ALK: variants seen among roughly 807,000 people sequenced by gnomAD.
ALK encodes the protein ALK receptor tyrosine kinase, also known as ALK tyrosine kinase receptor.
In ALK, 74 loss-of-function variants were observed where a neutral mutation model predicts 163.1. The ratio of observed to expected loss-of-function variants is 0.45; its 90% CI spans 0.38 to 0.55. The LOEUF (loss-of-function observed/expected upper bound fraction) is 0.55, where lower values mean the gene tolerates loss of function less well. Ranked by LOEUF, ALK falls within the 20% of genes least tolerant of loss-of-function variation. ALK has a pLI of 0.00. For missense variants in ALK, 2,063 were observed against 2,105.3 expected, an observed-to-expected ratio of 0.98 and a Z score of 0.39; for synonymous variants, 960 against 843.2, an observed-to-expected ratio of 1.14 and a Z score of -2.40.
chr2:29,658,328 C>T (rs147061818), intron 3 of ALK, among the ~76,000 whole-genome samples: 1 of 152,244 alleles, frequency 6.6e-6, no homozygotes, highest in East Asian at 1.9e-4. Context: ...GTGCCTTAAC[C>T]TCTCTGGGCT....
intron 9 of ALK, among the ~76,000 whole-genome samples, chr2:29,277,577 G>C (rs1410239470): frequency 6.6e-6 from 1 of 152,258 alleles, no homozygotes; most frequent in East Asian, 1.9e-4. Context: ...AAGAAGAAAT[G>C]CCCAAATCTG....
intron 8 of ALK, among the ~76,000 whole-genome samples, chr2:29,303,530 G>A (rs923591290): frequency 1.3e-5 from 2 of 152,202 alleles, no homozygotes; most frequent in African/African-American, 2.4e-5. Flanking sequence ...TCTCACCACT[G>A]GGTGTCCACC....
intron 1 of ALK, among the ~76,000 whole-genome samples, chr2:29,902,645 G>C (rs141931719): frequency 6.6e-6 from 1 of 152,318 alleles, no homozygotes; most frequent in African/African-American, 2.4e-5. Context: ...GGGCCCAGTA[G>C]AGCATGAGGC....
At chr2:29,867,558 C>T (rs4414641) in intron 1 of ALK, among the ~76,000 whole-genome samples, 120,744 of 152,056 alleles carry the variant, frequency 0.79, 48,165 homozygotes, top group Non-Finnish European at 0.83. Flanking sequence ...GATCTTACAA[C>T]TGCCTCATAA....
chr2:29,595,285 G>A (rs1179159917), intron 3 of ALK, among the ~76,000 whole-genome samples: 1 of 150,700 alleles, frequency 6.6e-6, no homozygotes, highest in African/African-American at 2.4e-5. Context: ...GACACAGACA[G>A]TGGTTTCTTC....
chr2:29,507,955 A>C (rs922419476), intron 4 of ALK, among the ~76,000 whole-genome samples: 1 of 152,204 alleles, frequency 6.6e-6, no homozygotes, highest in Non-Finnish European at 1.5e-5. Context: ...GTGAATTCAC[A>C]CCAATCACTG....
rs373231821 is a variant in ALK at position 29,515,274 on chromosome 2, T to A, written c.1154+16641A>T. 5.9e-5 allele frequency among the ~76,000 whole-genome samples: 9 copies of A among 152,176 alleles called. No individual in the cohort carries two copies. In the East Asian group the frequency reaches 9.6e-4, roughly 16 times the overall value. ...AAGAGCTCCTGCAAGCCTGTACCCC[T>A]CTGTCATGTATCACTGTGGCAATGA... On this transcript the variant is annotated intron_variant, in intron 4 of 28. Transcript: ENST00000389048.
At chr2:29,511,619 G>A (rs1300540610) in intron 4 of ALK, among the ~76,000 whole-genome samples, 3 of 152,114 alleles carry the variant, frequency 2.0e-5, no homozygotes, top group Non-Finnish European at 4.4e-5. Context: ...AGTTTTGTGG[G>A]GACATACGTT....
At chr2:29,671,736 T>C (rs2879499) in intron 3 of ALK, among the ~76,000 whole-genome samples, 23,881 of 152,028 alleles carry the variant, frequency 0.16, 4,489 homozygotes, top group African/African-American at 0.46. Flanking sequence ...ACCTGTCTGA[T>C]CCTCATGTTT....
intron 8 of ALK, among the ~76,000 whole-genome samples, chr2:29,306,558 T>C (rs867914615): frequency 1.3e-5 from 2 of 152,228 alleles, no homozygotes; most frequent in Admixed American, 1.3e-4. Flanking sequence ...TTTAACAAGA[T>C]CTTATCCTAG....
intron 3 of ALK, among the ~76,000 whole-genome samples, chr2:29,647,342 T>G (rs1465075028): frequency 6.6e-6 from 1 of 152,116 alleles, no homozygotes; most frequent in African/African-American, 2.4e-5. Context: ...CTCTAATATG[T>G]CTCTTCTTCT....
At chr2:29,516,581 C>T (rs1162765801) in intron 4 of ALK, among the ~76,000 whole-genome samples, 1 of 152,184 alleles carries the variant, frequency 6.6e-6, no homozygotes, top group African/African-American at 2.4e-5. Context: ...TAGTGGGGAG[C>T]CACCTCTCTA....
intron 24 of ALK, among the ~76,000 whole-genome samples, chr2:29,213,037 T>TA (rs1669505837): frequency 6.6e-6 from 1 of 152,242 alleles, no homozygotes; most frequent in Non-Finnish European, 1.5e-5. Context: ...TTCTCTTTTG[T>TA]ACTTACATAT....
intron 3 of ALK, among the ~76,000 whole-genome samples, chr2:29,624,695 C>T (rs1322311250): frequency 1.3e-5 from 2 of 152,242 alleles, no homozygotes; most frequent in Admixed American, 6.5e-5. Context: ...CCATGGCACA[C>T]ATTTACCTAT....
chr2:29,499,598 C>G (rs538664485), intron 4 of ALK, among the ~76,000 whole-genome samples: 1 of 152,202 alleles, frequency 6.6e-6, no homozygotes, highest in Non-Finnish European at 1.5e-5. Context: ...CTCTCTAGAC[C>G]CTCTCGCCTC....
rs548383018 is a variant in ALK, at chr2:29,784,822, C to T, written c.668-67125G>A. ...ACCTAGCCTTTGCACTATGTTATTA[C>T]GTTATAGTGCCTCCTAAACCATTCT... On this transcript the variant is annotated intron_variant, in intron 1 of 28. Coordinates refer to ENST00000389048, the MANE Select transcript of ALK (RefSeq NM_004304.5). Among the ~76,000 whole-genome samples, 8 of 152,250 alleles carry T rather than the reference C, an allele frequency of 5.3e-5. No homozygotes were observed. The East Asian group carries it at 1.2e-3, about 22-fold the overall frequency.
intron 3 of ALK, among the ~76,000 whole-genome samples, chr2:29,611,528 A>G (rs1009462907): frequency 6.6e-6 from 1 of 152,190 alleles, no homozygotes; most frequent in African/African-American, 2.4e-5. Context: ...GGTTATGTCA[A>G]CCATCTGAAC....
intron 3 of ALK, among the ~76,000 whole-genome samples, chr2:29,660,698 T>C (rs945973145): frequency 6.6e-6 from 1 of 150,728 alleles, no homozygotes; most frequent in African/African-American, 2.4e-5. Context: ...AAAGGGGTGG[T>C]CAGAAGAGTG....
chr2:29,512,079 T>C (rs1467339022), intron 4 of ALK, among the ~76,000 whole-genome samples: 1 of 152,186 alleles, frequency 6.6e-6, no homozygotes, highest in African/African-American at 2.4e-5. Context: ...TATTGATCAA[T>C]ATTTTGTTTT....
Sources: allele counts gnomAD v4.1 joint callset (sites outside exome capture counted in the v4.1 genomes callset), GRCh38; gene constraint gnomAD v4.1.1; transcripts MANE v1.5; gene names NCBI Gene and HGNC (gene_info 2026-07-23, HGNC 2026-07-21).